Variants in GPC6 observed in about 807,000 individuals in gnomAD.
The protein encoded by GPC6 is glypican-6.
In GPC6, 14 loss-of-function variants were observed where a neutral mutation model predicts 55.2. That is an observed-to-expected ratio of 0.25 (90% CI 0.17 to 0.40). The LOEUF is 0.40. Among genes scored for constraint, GPC6 ranks in the 10% least tolerant of loss-of-function variants. The pLI is 1.00. For missense variants in GPC6, 641 were observed against 708.5 expected (o/e 0.90, Z 1.08); for synonymous variants, 278 against 259.6 (o/e 1.07, Z -0.68).
intron 4 of GPC6, among the ~76,000 whole-genome samples, chr13:94,272,627 C>T (rs1253375854): frequency 1.3e-5 from 2 of 151,756 alleles, no homozygotes; most frequent in Non-Finnish European, 2.9e-5. Context: ...CGCCACCACG[C>T]CCGGCTAATT....
chr13:93,863,101 C>T (rs1413743152), intron 3 of GPC6, among the ~76,000 whole-genome samples: 1 of 151,626 alleles, frequency 6.6e-6, no homozygotes, highest in African/African-American at 2.4e-5. Context: ...AAAACAAATA[C>T]CCAATGCTAC....
chr13:93,361,765 A>G (rs978642049), intron 1 of GPC6, among the ~76,000 whole-genome samples: 1 of 152,224 alleles, frequency 6.6e-6, no homozygotes, highest in Admixed American at 6.5e-5. Flanking sequence ...ATACAGGAAC[A>G]GCAGTAGTGG....
At chr13:93,570,072 A>G (rs9584135) in intron 2 of GPC6, among the ~76,000 whole-genome samples, 3,077 of 152,216 alleles carry the variant, frequency 0.02, 104 homozygotes, top group African/African-American at 0.071. Context: ...CCAATATCAA[A>G]TAACTGCCAG....
At chr13:94,185,536 T>C (rs1889147116) in intron 4 of GPC6, among the ~76,000 whole-genome samples, 2 of 151,858 alleles carry the variant, frequency 1.3e-5, no homozygotes, top group South Asian at 4.1e-4. Flanking sequence ...AAATATTGGT[T>C]TTCTCATTTA....
chr13:93,245,114 G>A (rs2139020383), intron 1 of GPC6, among the ~76,000 whole-genome samples: 1 of 152,280 alleles, frequency 6.6e-6, no homozygotes, highest in African/African-American at 2.4e-5. Flanking sequence ...GTGTGGAGGG[G>A]ACACTGATTC....
At chr13:93,218,101 C>T in the GPC6 span, among the ~76,000 whole-genome samples, 144,532 of 151,328 alleles carry the variant, frequency 0.96, 69,369 homozygotes, top group East Asian at 1. Flanking sequence ...AACTTCCAAC[C>T]GGCTAGCTCA....
At chr13:94,122,671 T>C (rs989850338) in intron 4 of GPC6, among the ~76,000 whole-genome samples, 5 of 152,116 alleles carry the variant, frequency 3.3e-5, no homozygotes, top group South Asian at 2.1e-4. Flanking sequence ...CTCTAGTTCT[T>C]TCATTCACTA....
chr13:93,419,514 T>C (rs1421416774), intron 1 of GPC6, among the ~76,000 whole-genome samples: 1 of 152,158 alleles, frequency 6.6e-6, no homozygotes, highest in East Asian at 1.9e-4. Context: ...TTTGCTATTA[T>C]GGAGCTAAGT....
At chr13:94,011,417 G>C (rs1318496) in intron 3 of GPC6, among the ~76,000 whole-genome samples, 19,907 of 151,972 alleles carry the variant, frequency 0.13, 1,571 homozygotes, top group East Asian at 0.33. Flanking sequence ...CATTATTTTT[G>C]TATCAACCTT....
At chr13:94,199,785 C>T (rs563890400) in intron 4 of GPC6, among the ~76,000 whole-genome samples, 1 of 152,278 alleles carries the variant, frequency 6.6e-6, no homozygotes, top group African/African-American at 2.4e-5. Flanking sequence ...TTAATGTTCC[C>T]TTCCTCTCCC....
intron 1 of GPC6, among the ~76,000 whole-genome samples, chr13:93,325,441 G>A (rs1020664700): frequency 8.5e-5 from 13 of 152,262 alleles, no homozygotes; most frequent in African/African-American, 3.1e-4. Context: ...GCAATGGGTA[G>A]CTTATACTCA....
intron 1 of GPC6, among the ~76,000 whole-genome samples, chr13:93,303,168 A>T (rs1190649379): frequency 2.0e-5 from 3 of 152,104 alleles, no homozygotes. Context: ...CCCCAGAACC[A>T]CTTTTGGTTT....
intron 2 of GPC6, among the ~76,000 whole-genome samples, chr13:93,685,181 G>A (rs929550779): frequency 2.6e-5 from 4 of 152,026 alleles, no homozygotes; most frequent in African/African-American, 9.7e-5. Flanking sequence ...TTTAAAAATG[G>A]TCTGTGGTAG....
At chr13:94,345,023 T>A (rs985974003) in intron 6 of GPC6, among the ~76,000 whole-genome samples, 1 of 152,200 alleles carries the variant, frequency 6.6e-6, no homozygotes, top group African/African-American at 2.4e-5. Context: ...GACTGGGATA[T>A]GAAAATAAAA....
intron 3 of GPC6, among the ~76,000 whole-genome samples, chr13:93,890,249 T>G (rs189714390): frequency 6.6e-6 from 1 of 152,242 alleles, no homozygotes; most frequent in East Asian, 1.9e-4. Context: ...TAGGATGCTT[T>G]ACACATCTTC....
chr13:93,402,277 T>C (rs1264954341), intron 1 of GPC6, among the ~76,000 whole-genome samples: 4 of 152,162 alleles, frequency 2.6e-5, no homozygotes, highest in Non-Finnish European at 5.9e-5. Flanking sequence ...CTGCTTCTAA[T>C]TAATTCTCCA....
At chr13:94,062,834 T>C (rs1259956606) in intron 4 of GPC6, among the ~76,000 whole-genome samples, 1 of 152,186 alleles carries the variant, frequency 6.6e-6, no homozygotes, top group Non-Finnish European at 1.5e-5. Flanking sequence ...CTCAGTACCT[T>C]ACATATATAG....
chr13:93,479,029 G>T (rs904170909), intron 1 of GPC6, among the ~76,000 whole-genome samples: 3 of 152,146 alleles, frequency 2.0e-5, no homozygotes, highest in African/African-American at 7.2e-5. Flanking sequence ...AAACCATAAA[G>T]AATTGTTTGC....
chr13:93,314,141 T>TA (rs1389141358), intron 1 of GPC6, among the ~76,000 whole-genome samples: 1 of 152,182 alleles, frequency 6.6e-6, no homozygotes, highest in Admixed American at 6.6e-5. Flanking sequence ...GATAAACAAA[T>TA]ACATTTTATA....
Sources: allele counts gnomAD v4.1 joint callset (sites outside exome capture counted in the v4.1 genomes callset), GRCh38; gene constraint gnomAD v4.1.1; transcripts MANE v1.5; gene names NCBI Gene and HGNC (gene_info 2026-07-23, HGNC 2026-07-21).